The following ZNF827 variants were observed in gnomAD, a reference collection of about 807,000 sequenced individuals.
The protein encoded by ZNF827 is zinc finger protein 827.
A neutral mutation model predicts 102.4 loss-of-function variants in ZNF827; 13 were observed. The ratio of observed to expected loss-of-function variants is 0.13; its 90% confidence interval spans 0.08 to 0.20. ZNF827 has a LOEUF of 0.20. Ranked by LOEUF, ZNF827 falls within the 10% of genes least tolerant of loss-of-function variation. The pLI is 1.00. For synonymous variants in ZNF827, 523 were observed against 536.2 expected (o/e 0.98, Z 0.34); for missense variants, 1,103 against 1,344.4 (o/e 0.82, Z 2.81).
chr4:145,765,574 G>A lies in ZNF827; in HGVS notation c.3025C>T (p.Leu1009=), dbSNP rs755276818. The change falls in exon 12 of 15, where the codon CTG becomes TTG. Residue 1009 remains leucine, a synonymous_variant. Transcript: ENST00000508784. This position sits in a 1 kb window ranked among gnomAD's most constrained non-coding sequence, Gnocchi z 4.7. ...TTCTCTGGCTTTTCCTCACTGTTCA[G>A]TGAGGGCTGGCTCCCAGGCATGACA... ...ISVMPGSQPS[L]NSEEKPEKGF... is the part of the protein sequence containing the mutation. 7 of 1,613,916 alleles carry A rather than the reference G, an allele frequency of 4.3e-6. No homozygotes were observed. The highest frequency in any genetic ancestry group is 5.9e-6 in the Non-Finnish European group (7 of 1,179,924).
At position 145,938,588 on chromosome 4, in the gene ZNF827, A is replaced by T; in HGVS notation, c.-181T>A. ...GAAGCTTGTTTCCTGGAGCCAGAAG[A>T]GGGGTTTTCTTCTTTTCTTTCCTTT... On this transcript the variant is annotated 5_prime_UTR_variant, in exon 1 of 15. Transcript: ENST00000508784. 5 of 505,688 alleles carry T rather than the reference A, an allele frequency of 9.9e-6. No homozygotes were observed. The highest frequency in any genetic ancestry group is 3.3e-5 in the Admixed American group (1 of 30,762). The allele number at this position is 505,688 out of a possible 1,614,324, so 31.3% of individuals were successfully genotyped here.
At chr4:145,808,486 A>G (rs572563321) in intron 8 of ZNF827, among the ~76,000 whole-genome samples, 23 of 152,324 alleles carry the variant, frequency 1.5e-4, no homozygotes, top group Admixed American at 6.5e-4. Context: ...CTAGATACTT[A>G]GGGCGGAGAA....
intron 7 of ZNF827, among the ~76,000 whole-genome samples, chr4:145,838,090 C>T (rs1426405114): frequency 6.6e-6 from 1 of 152,164 alleles, no homozygotes; most frequent in African/African-American, 2.4e-5. Flanking sequence ...ACCATCACAT[C>T]CCCTGTGACT....
rs754564346 is a variant in ZNF827 at position 145,765,128 on chromosome 4, C to T, written c.3090G>A (p.Thr1030=). Residue 1030 remains threonine, a synonymous_variant, in exon 13 of 15, where the codon ACG becomes ACA. Coordinates refer to ENST00000508784, the MANE Select transcript of ZNF827 (RefSeq NM_001306215.2). The surrounding 1 kb of genome is among the most constrained non-coding windows in gnomAD (Gnocchi z 4.7). ...ECVFCNFVCK[T]KNMFERHLQI... is the part of the protein sequence containing the mutation. ...GCAGATGACGCTCAAACATGTTCTT[C>T]GTCTTGCAGACAAAGTTGCAAAAAA... is the stretch of plus-strand genomic sequence containing the variant. The T allele has an allele frequency of 6.8e-5, 109 of 1,613,480 alleles. No individual in the cohort carries two copies. The highest frequency in any genetic ancestry group is 8.8e-5 in the Non-Finnish European group (104 of 1,179,750).
chr4:145,909,719 T>C (rs749788145), intron 1 of ZNF827, among the ~76,000 whole-genome samples: 4 of 152,256 alleles, frequency 2.6e-5, no homozygotes, highest in Non-Finnish European at 4.4e-5. Flanking sequence ...CAGGCTGTTC[T>C]GAATCAATTT....
rs189289335 is a variant in ZNF827, at chr4:145,802,560, T to G, written c.2383+20862A>C. ...CCTGAGGGAACTCAAAGCTGGGGAC[T>G]CCAGGCTTTCTTACTAGCTAGCCCA... On this transcript the variant is annotated intron_variant, in intron 8 of 14. Coordinates refer to ENST00000508784, the MANE Select transcript of ZNF827 (RefSeq NM_001306215.2). 8.5e-4 allele frequency among the ~76,000 whole-genome samples: 129 copies of G among 152,362 alleles called. 1 individual carries two copies. The highest frequency in any genetic ancestry group is 1.6e-3 in the Non-Finnish European group (109 of 68,028).
In ZNF827 at chr4:145,934,483, G is replaced by T. The variant is rs576444618; in HGVS notation, c.43+3882C>A. On this transcript the variant is annotated intron_variant, in intron 1 of 14. Coordinates refer to ENST00000508784, the MANE Select transcript of ZNF827 (RefSeq NM_001306215.2). ...CCATCTCCAAAGCTAATTCGGTTCTGAACAGTCCCATGGGTGTCTAACTGA... is the reference window on the plus strand; with the variant it reads ...CCATCTCCAAAGCTAATTCGGTTCTTAACAGTCCCATGGGTGTCTAACTGA... 5.9e-5 allele frequency among the ~76,000 whole-genome samples: 9 copies of T among 152,354 alleles called. No homozygotes were observed. The East Asian group carries it at 9.7e-4, about 16-fold the overall frequency.
At chr4:145,797,301 T>C (rs966368966) in intron 8 of ZNF827, among the ~76,000 whole-genome samples, 2 of 152,202 alleles carry the variant, frequency 1.3e-5, no homozygotes, top group Non-Finnish European at 1.5e-5. Flanking sequence ...GAGAGCAAAG[T>C]AAGTTCAGAT....
intron 1 of ZNF827, among the ~76,000 whole-genome samples, chr4:145,926,004 A>G (rs1753393043): frequency 2.0e-5 from 3 of 152,228 alleles, no homozygotes; most frequent in Non-Finnish European, 4.4e-5. Flanking sequence ...TTTTCTGATT[A>G]GCACTTCATA....
At chr4:145,777,430 T>C (rs1048074139) in intron 9 of ZNF827, among the ~76,000 whole-genome samples, 1 of 152,228 alleles carries the variant, frequency 6.6e-6, no homozygotes, top group Non-Finnish European at 1.5e-5. Flanking sequence ...CCTGATGCCT[T>C]TATAAACGGT....
chr4:145,825,373 T>C (rs770823978), intron 7 of ZNF827, among the ~76,000 whole-genome samples: 3 of 152,164 alleles, frequency 2.0e-5, no homozygotes, highest in Non-Finnish European at 2.9e-5. Flanking sequence ...CTGCAGTGTC[T>C]TAAGTAAGGG....
At chr4:145,837,597 A>G (rs1231781118) in intron 7 of ZNF827, among the ~76,000 whole-genome samples, 3 of 152,190 alleles carry the variant, frequency 2.0e-5, no homozygotes, top group Non-Finnish European at 1.5e-5. Context: ...TTTCCAAGGC[A>G]TCACAGCTGA....
chr4:145,804,024 AT>A (rs1741169861), intron 8 of ZNF827, among the ~76,000 whole-genome samples: 1 of 152,184 alleles, frequency 6.6e-6, no homozygotes, highest in African/African-American at 2.4e-5. Context: ...TCAACCAAGA[AT>A]TTTTTAACTC....
intron 7 of ZNF827, among the ~76,000 whole-genome samples, chr4:145,836,389 C>T (rs540948670): frequency 8.5e-5 from 13 of 152,298 alleles, no homozygotes; most frequent in African/African-American, 2.6e-4. Flanking sequence ...CTCGTGTCTG[C>T]GTGCAGTGGC....
chr4:145,857,186 T>G (rs1343821320), intron 5 of ZNF827, among the ~76,000 whole-genome samples: 4 of 152,240 alleles, frequency 2.6e-5, no homozygotes, highest in Admixed American at 2.0e-4. Flanking sequence ...AATTCATAAT[T>G]AAGTAGACAG....
chr4:145,871,675 G>T (rs1224094752), intron 4 of ZNF827, among the ~76,000 whole-genome samples: 1 of 152,078 alleles, frequency 6.6e-6, no homozygotes, highest in Non-Finnish European at 1.5e-5. Context: ...CAGACAAAAA[G>T]ATAAAAATAA....
At chr4:145,920,703 C>T (rs1050564963) in intron 1 of ZNF827, among the ~76,000 whole-genome samples, 2 of 152,222 alleles carry the variant, frequency 1.3e-5, no homozygotes, top group Admixed American at 6.5e-5. Flanking sequence ...CCAGTCTTAA[C>T]TTCTTTGTTT....
intron 1 of ZNF827, among the ~76,000 whole-genome samples, chr4:145,906,603 C>G (rs1270730645): frequency 6.6e-6 from 1 of 152,134 alleles, no homozygotes; most frequent in Non-Finnish European, 1.5e-5. Flanking sequence ...GTGCCAAAGG[C>G]TAAAGAAACT....
chr4:145,937,692 G>C (rs1228258888), intron 1 of ZNF827, among the ~76,000 whole-genome samples: 1 of 35,266 alleles, frequency 2.8e-5, no homozygotes, highest in African/African-American at 1.1e-4. Context: ...GCCCGCCCCC[G>C]ACTCCCCTCC....
Sources: gnomAD v4.1 joint callset for allele counts (sites outside exome capture counted in the v4.1 genomes callset) on GRCh38, gnomAD v4.1.1 for gene constraint, Gnocchi (gnomAD v3.1) non-coding constraint, MANE v1.5 for transcripts, NCBI Gene and HGNC (gene_info 2026-07-23, HGNC 2026-07-21) for gene names.